KRABD3: variants seen among roughly 807,000 people sequenced by gnomAD.
The protein encoded by KRABD3 is KRAB domain containing 3, also known as KRAB domain-containing protein 3.
At chr7:149,723,065 C>CCAG in the KRABD3 span, 52 of 953,542 alleles carry the variant, frequency 5.5e-5, 1 homozygote, top group Non-Finnish European at 7.5e-5. Context: ...AGCTTGGTCG[C>CCAG]TGCTGTGTTG....
At chr7:149,724,567 C>T in the KRABD3 span, 1 of 1,022,266 alleles carries the variant, frequency 9.8e-7, no homozygotes. Flanking sequence ...TTTGGAAGCC[C>T]CTCCTAACCC....
At chr7:149,715,445 A>G in the KRABD3 span, 5 of 818,766 alleles carry the variant, frequency 6.1e-6, no homozygotes, top group East Asian at 8.6e-5. Context: ...ACAAACCCCA[A>G]GTTTTGTCTT....
the KRABD3 span, among the ~76,000 whole-genome samples, chr7:149,716,304 A>G: frequency 1.3e-5 from 2 of 152,220 alleles, no homozygotes; most frequent in African/African-American, 4.8e-5. Context: ...ACCAGTGTGC[A>G]GCTATGAGCT....
the KRABD3 span, chr7:149,725,549 C>T: frequency 1.4e-6 from 2 of 1,472,180 alleles, no homozygotes; most frequent in African/African-American, 1.4e-5. Context: ...GAGGCAGATG[C>T]TGAGGACTGT....
the KRABD3 span, chr7:149,722,455 A>C: frequency 1.7e-5 from 28 of 1,608,072 alleles, no homozygotes; most frequent in African/African-American, 1.7e-4. Flanking sequence ...ACAAGGAAGG[A>C]AGGCCCAGGA....
the KRABD3 span, chr7:149,723,002 A>G: frequency 2.8e-6 from 4 of 1,418,644 alleles, no homozygotes; most frequent in Non-Finnish European, 3.8e-6. Context: ...CTTGGTTTGC[A>G]TTTCAACAGC....
At chr7:149,732,211 G>C in the KRABD3 span, among the ~76,000 whole-genome samples, 9 of 152,306 alleles carry the variant, frequency 5.9e-5, no homozygotes, top group Non-Finnish European at 1.3e-4. This position sits in a 1 kb window ranked among gnomAD's most constrained non-coding sequence, Gnocchi z 4.0. Context: ...GCCTGCGGCA[G>C]GTTCTCTTAC....
chr7:149,725,967 G>A, the KRABD3 span: 1 of 1,607,616 alleles, frequency 6.2e-7, no homozygotes, highest in East Asian at 2.2e-5. Context: ...GGCCCCCCGA[G>A]GAACCCCCAC....
At chr7:149,725,512 G>A in the KRABD3 span, 4 of 1,582,918 alleles carry the variant, frequency 2.5e-6, no homozygotes, top group South Asian at 2.3e-5. Context: ...ATGGGCGCGG[G>A]GTGGCATGTC....
At chr7:149,730,704 T>G in the KRABD3 span, 1 of 1,130,334 alleles carries the variant, frequency 8.8e-7, no homozygotes, top group Non-Finnish European at 1.2e-6. Flanking sequence ...GTGCTTTAGT[T>G]CCCTGTAAGG....
At chr7:149,730,153 C>A in the KRABD3 span, 16 of 1,522,584 alleles carry the variant, frequency 1.1e-5, no homozygotes, top group Non-Finnish European at 1.3e-5. Context: ...CCAGGGTCTG[C>A]CCCCAAGCCC....
chr7:149,721,372 C>T, the KRABD3 span: 1 of 1,579,338 alleles, frequency 6.3e-7, no homozygotes, highest in East Asian at 2.2e-5. Context: ...CTCCCTCTTT[C>T]CCGACAGCAG....
chr7:149,728,621 G>A, the KRABD3 span: 21 of 1,613,732 alleles, frequency 1.3e-5, no homozygotes, highest in South Asian at 6.6e-5. Flanking sequence ...CTCCTCAGCA[G>A]CAGACAGGGG....
At chr7:149,725,973 C>G in the KRABD3 span, 4 of 1,609,342 alleles carry the variant, frequency 2.5e-6, no homozygotes, top group Middle Eastern at 1.7e-4. Flanking sequence ...CCGAGGAACC[C>G]CCACCAGCTT....
the KRABD3 span, chr7:149,734,444 C>T: frequency 5.2e-6 from 1 of 191,278 alleles, no homozygotes; most frequent in Non-Finnish European, 1.1e-5. Flanking sequence ...TCTCAGGAGC[C>T]TTGAAGGGCT....
the KRABD3 span, among the ~76,000 whole-genome samples, chr7:149,718,907 A>G: frequency 6.6e-6 from 1 of 152,222 alleles, no homozygotes; most frequent in East Asian, 1.9e-4. Context: ...AGAATAGGAG[A>G]TAGGAGTACA....
the KRABD3 span, chr7:149,715,304 C>G: frequency 1.6e-6 from 2 of 1,217,964 alleles, no homozygotes; most frequent in Non-Finnish European, 2.0e-6. Flanking sequence ...TGGCTTGTTT[C>G]GTTACAAGTT....
At chr7:149,733,895 G>A in the KRABD3 span, 1 of 1,591,406 alleles carries the variant, frequency 6.3e-7, no homozygotes, top group Non-Finnish European at 8.5e-7. Context: ...TGCAGCCAGT[G>A]CAGATGCAGA....
the KRABD3 span, chr7:149,722,801 G>A: frequency 1.2e-6 from 2 of 1,607,822 alleles, no homozygotes; most frequent in Non-Finnish European, 1.7e-6. Flanking sequence ...CCTGGGAACA[G>A]CCCCTTGCAA....
Sources: allele counts gnomAD v4.1 joint callset (sites outside exome capture counted in the v4.1 genomes callset), GRCh38; gene constraint gnomAD v4.1.1; non-coding constraint Gnocchi (gnomAD v3.1); transcripts MANE v1.5; gene names NCBI Gene and HGNC (gene_info 2026-07-23, HGNC 2026-07-21).